ZCCHC14: variants seen among roughly 807,000 people sequenced by gnomAD.
ZCCHC14 encodes zinc finger CCHC-type containing 14, also known as zinc finger CCHC domain-containing protein 14.
In ZCCHC14, 16 loss-of-function variants were observed where a neutral mutation model predicts 85.0. That is an observed-to-expected ratio of 0.19 (90% CI 0.13 to 0.29). The LOEUF (loss-of-function observed/expected upper bound fraction) is 0.29. ZCCHC14 is among the 10% of genes least tolerant of loss of function. The probability of loss-of-function intolerance (pLI) is 1.00; values close to 1 mark genes in which losing one functional copy is unlikely to be tolerated. For missense variants in ZCCHC14, 1,303 were observed against 1,443.5 expected, an observed-to-expected ratio of 0.90 and a Z score of 1.58; for synonymous variants, 775 against 630.7, an observed-to-expected ratio of 1.23 and a Z score of -3.43.
rs141787952 is a variant in ZCCHC14 at position 87,479,884 on chromosome 16, G to A, written c.570+11785C>T. On this transcript the variant is annotated intron_variant, in intron 1 of 12. Coordinates refer to ENST00000671377, the MANE Select transcript of ZCCHC14 (RefSeq NM_015144.3). ...CCAGGTAACCTAAAGCCCAACTCTC[G>A]TGTTAGAGAGTTCTTCCCAATGAAA... Among the ~76,000 whole-genome samples, 22 of 151,978 alleles carry A rather than the reference G, an allele frequency of 1.4e-4. No homozygotes were observed. In the East Asian group the frequency reaches 2.9e-3, roughly 20 times the overall value.
chr16:87,482,752 C>G (rs1306346017), intron 1 of ZCCHC14, among the ~76,000 whole-genome samples: 1 of 152,146 alleles, frequency 6.6e-6, no homozygotes, highest in African/African-American at 2.4e-5. Context: ...GACTATTTAA[C>G]AGATGGCACT....
chr16:87,455,501 C>T (rs1018920952), intron 2 of ZCCHC14, among the ~76,000 whole-genome samples: 2 of 152,074 alleles, frequency 1.3e-5, no homozygotes, highest in African/African-American at 2.4e-5. Flanking sequence ...TCATAGAGGG[C>T]GCAAAGTCCT....
At chr16:87,432,532 G>C (rs1909713608) in intron 3 of ZCCHC14, among the ~76,000 whole-genome samples, 1 of 152,128 alleles carries the variant, frequency 6.6e-6, no homozygotes, top group Admixed American at 6.5e-5. Context: ...GAGGGGGCCT[G>C]TACCCCTAAG....
chr16:87,438,933 C>G (rs566869192), intron 2 of ZCCHC14, among the ~76,000 whole-genome samples: 3 of 152,080 alleles, frequency 2.0e-5, no homozygotes, highest in African/African-American at 4.8e-5. Context: ...ATGAGCAGAC[C>G]GTATTATTTA....
chr16:87,492,816 G>T lies in ZCCHC14; in HGVS notation c.-578C>A, dbSNP rs1320780525. Among the ~76,000 whole-genome samples the T allele has an allele frequency of 6.8e-6, 1 of 147,664 alleles. No homozygotes were observed. Among genetic ancestry groups the T allele is most frequent in the South Asian group, 2.1e-4 (1 of 4,826 alleles). ...CGCGGCCGCGAAACGGACGCTGGAG[G>T]GGGAGGGACGCGCGGCGGGAGGCGC... On this transcript the variant is annotated 5_prime_UTR_variant, in exon 1 of 13. Coordinates refer to ENST00000671377, the MANE Select transcript of ZCCHC14 (RefSeq NM_015144.3). This position sits in a 1 kb window ranked among gnomAD's most constrained non-coding sequence, Gnocchi z 6.7.
In ZCCHC14 at chr16:87,491,314, G is replaced by C. The variant is rs570319133; in HGVS notation, c.570+355C>G. Among the ~76,000 whole-genome samples, 1 of 152,360 alleles carries C rather than the reference G, an allele frequency of 6.6e-6. No homozygotes were observed. Among genetic ancestry groups the C allele is most frequent in the East Asian group, 1.9e-4 (1 of 5,174 alleles). On this transcript the variant is annotated intron_variant, in intron 1 of 12. Coordinates refer to ENST00000671377, the MANE Select transcript of ZCCHC14 (RefSeq NM_015144.3). The surrounding 1 kb of genome is among the most constrained non-coding windows in gnomAD (Gnocchi z 5.9). ...CACGCAGAGGGGACTGAGGGTGTGGGCTCAGGGCCGCGGTGCGGTCTTGGG... is the reference window on the plus strand; with the variant it reads ...CACGCAGAGGGGACTGAGGGTGTGGCCTCAGGGCCGCGGTGCGGTCTTGGG...
chr16:87,433,107 G>A (rs1567519573), intron 3 of ZCCHC14, 21 bp downstream of exon 3: 1 of 1,612,872 alleles, frequency 6.2e-7, no homozygotes, highest in Admixed American at 1.7e-5. Context: ...GGAGAGAGGG[G>A]AAAAAAACTT....
intron 1 of ZCCHC14, among the ~76,000 whole-genome samples, chr16:87,485,657 G>GGA (rs965817849): frequency 7.3e-5 from 11 of 151,584 alleles, no homozygotes; most frequent in Admixed American, 2.6e-4. Flanking sequence ...GGGGGGCGGG[G>GGA]GAGAATACTA....
chr16:87,446,650 T>C (rs1479070854), intron 2 of ZCCHC14, among the ~76,000 whole-genome samples: 1 of 152,108 alleles, frequency 6.6e-6, no homozygotes, highest in East Asian at 1.9e-4. Context: ...GATGAAAAAG[T>C]GGCTTTGCTT....
At chr16:87,447,229 A>AGG (rs11431915) in intron 2 of ZCCHC14, among the ~76,000 whole-genome samples, 3 of 151,972 alleles carry the variant, frequency 2.0e-5, no homozygotes, top group African/African-American at 7.3e-5. Flanking sequence ...ATTTTGGGCC[A>AGG]GGGGGAACTA....
chr16:87,415,432 T>A, intron 8 of ZCCHC14, 65 bp from the exon 9 acceptor site: 1 of 1,420,118 alleles, frequency 7.0e-7, no homozygotes, highest in Non-Finnish European at 9.8e-7. Flanking sequence ...AACAAAGAAC[T>A]TGGAGTTGAA....
At chr16:87,468,289 G>T (rs1393361092) in intron 1 of ZCCHC14, among the ~76,000 whole-genome samples, 2 of 151,844 alleles carry the variant, frequency 1.3e-5, no homozygotes, top group African/African-American at 4.8e-5. Flanking sequence ...ACTGGCCAAT[G>T]GTAAGGATTT....
chr16:87,434,828 GAA>G (rs1335287250), intron 2 of ZCCHC14, among the ~76,000 whole-genome samples: 1 of 151,902 alleles, frequency 6.6e-6, no homozygotes, highest in East Asian at 1.9e-4. Flanking sequence ...TGTCTCTACT[GAA>G]AAGACAAAAA....
rs1567549567 is a variant in ZCCHC14 at position 87,492,908 on chromosome 16, G to C, written c.-670C>G. 7.1e-6 allele frequency among the ~76,000 whole-genome samples: 1 copy of C among 141,220 alleles called. No homozygotes were observed. Among genetic ancestry groups the C allele is most frequent in the African/African-American group, 2.7e-5 (1 of 37,166 alleles). The allele number at this position is 141,220 out of a possible 152,430, so 92.6% of individuals were successfully genotyped here. ...GCGGCGGACGGATCCGGGCCCGAGC[G>C]CGGCGGCGGCGGCGACGGCGACGGC... On this transcript the variant is annotated 5_prime_UTR_variant, in exon 1 of 13. Coordinates refer to ENST00000671377, the MANE Select transcript of ZCCHC14 (RefSeq NM_015144.3). This position sits in a 1 kb window ranked among gnomAD's most constrained non-coding sequence, Gnocchi z 6.7.
At chr16:87,424,605 G>A (rs1675331062) in intron 3 of ZCCHC14, among the ~76,000 whole-genome samples, 1 of 152,208 alleles carries the variant, frequency 6.6e-6, no homozygotes, top group South Asian at 2.1e-4. Flanking sequence ...CAGGGGGGAA[G>A]GGGCGGTGTC....
rs778748992 is a variant in ZCCHC14, at chr16:87,412,002, G to C, written c.2719C>G (p.Gln907Glu). The C allele has an allele frequency of 6.2e-7, 1 of 1,609,938 alleles. No homozygotes were observed. The highest frequency in any genetic ancestry group is 1.1e-5 in the South Asian group (1 of 91,046). The part of the protein sequence containing the change: ...NPNHHHHHHH[Q>E]QPPAPPQPAP... Reference sequence around the variant, plus strand: ...GGCTGCGGGGGTGCCGGGGGCTGCTGATGGTGGTGGTGGTGGTGGTGGTTC... The same window carrying C: ...GGCTGCGGGGGTGCCGGGGGCTGCTCATGGTGGTGGTGGTGGTGGTGGTTC... The change falls in exon 12 of 13, where the codon CAG becomes GAG. Residue 907 changes from glutamine to glutamate, a missense_variant. Gln to Glu is a conservative substitution (Grantham distance 29, BLOSUM62 2). Transcript: ENST00000671377.
chr16:87,488,802 T>G (rs1912624976), intron 1 of ZCCHC14, among the ~76,000 whole-genome samples: 1 of 152,202 alleles, frequency 6.6e-6, no homozygotes, highest in Non-Finnish European at 1.5e-5. Flanking sequence ...GGTGTTGAAC[T>G]CCTGGGCTCA....
intron 1 of ZCCHC14, among the ~76,000 whole-genome samples, chr16:87,466,269 T>C (rs1358646682): frequency 1.3e-5 from 2 of 152,216 alleles, no homozygotes; most frequent in African/African-American, 2.4e-5. Context: ...AGAGAATTAA[T>C]TTCTAAAAAT....
At chr16:87,417,132 G>A (rs568849141) in intron 8 of ZCCHC14, among the ~76,000 whole-genome samples, 1 of 152,320 alleles carries the variant, frequency 6.6e-6, no homozygotes, top group African/African-American at 2.4e-5. Flanking sequence ...GCCGAGAAAT[G>A]TCTAAAAGGG....
Sources: gnomAD v4.1 joint callset for allele counts (sites outside exome capture counted in the v4.1 genomes callset) on GRCh38, gnomAD v4.1.1 for gene constraint, Gnocchi (gnomAD v3.1) non-coding constraint, MANE v1.5 for transcripts, NCBI Gene and HGNC (gene_info 2026-07-23, HGNC 2026-07-21) for gene names.